Variants in ATP11C observed in about 807,000 individuals in gnomAD.
ATP11C encodes the protein ATPase phospholipid transporting 11C (ATP11C blood group), also known as phospholipid-transporting ATPase IG.
ATP11C carries 36 observed loss-of-function variants against 97.4 expected under a neutral mutation model. The ratio of observed to expected loss-of-function variants is 0.37; its 90% confidence interval spans 0.28 to 0.49. ATP11C has a LOEUF of 0.49. ATP11C is among the 20% of genes least tolerant of loss of function. The probability of loss-of-function intolerance (pLI) is 0.98; values close to 1 mark genes in which losing one functional copy is unlikely to be tolerated. For synonymous variants in ATP11C, 275 were observed against 290.9 expected, an observed-to-expected ratio of 0.95 and a Z score of 0.56; for missense variants, 730 against 824.6, an observed-to-expected ratio of 0.89 and a Z score of 1.40.
At chrX:139,825,225 G>T (rs1442918647) in intron 2 of ATP11C, among the ~76,000 whole-genome samples, 1 of 111,521 alleles carries the variant, frequency 9.0e-6, no homozygotes, top group Admixed American at 9.5e-5. Flanking sequence ...CAAACAGCAC[G>T]ATGATGTAAA....
At chrX:139,795,735 G>C (rs1344076421) in intron 12 of ATP11C, among the ~76,000 whole-genome samples, 1 of 111,852 alleles carries the variant, frequency 8.9e-6, no homozygotes, top group African/African-American at 3.3e-5. Flanking sequence ...GGTTACATTG[G>C]TATATAAAGA....
At chrX:139,809,904 T>C (rs996033117) in intron 5 of ATP11C, among the ~76,000 whole-genome samples, 6 of 110,984 alleles carry the variant, frequency 5.4e-5, no homozygotes, top group African/African-American at 2.0e-4. Flanking sequence ...AGACAGACGT[T>C]GCGGTGAGCC....
chrX:139,818,711 T>A (rs1390331211), intron 3 of ATP11C, among the ~76,000 whole-genome samples: 1 of 112,360 alleles, frequency 8.9e-6, no homozygotes, highest in Admixed American at 9.4e-5. Context: ...TTCTGCTTCA[T>A]TTAAAAAATG....
chrX:139,859,974 G>A (rs1426853625), intron 1 of ATP11C, among the ~76,000 whole-genome samples: 2 of 93,448 alleles, frequency 2.1e-5, no homozygotes, highest in Admixed American at 1.2e-4. Flanking sequence ...GCGTAGTGGC[G>A]GGCGCCTGTA....
intron 1 of ATP11C, among the ~76,000 whole-genome samples, chrX:139,839,522 T>A (rs1228402491): frequency 9.0e-6 from 1 of 110,815 alleles, no homozygotes. Flanking sequence ...GGGTGATGAG[T>A]AAAAAAGACA....
At chrX:139,785,357 A>G in intron 15 of ATP11C, 58 bp from the exon 16 acceptor site, 1 of 851,244 alleles carries the variant, frequency 1.2e-6, no homozygotes, top group South Asian at 2.2e-5. Flanking sequence ...AATAAAGCAC[A>G]ACAGAAATAT....
chrX:139,767,843 T>G (rs1373827107), intron 20 of ATP11C, among the ~76,000 whole-genome samples: 5 of 111,458 alleles, frequency 4.5e-5, no homozygotes, highest in Non-Finnish European at 7.5e-5. Flanking sequence ...ATATAACTGA[T>G]GGTGTCAAGA....
intron 23 of ATP11C, among the ~76,000 whole-genome samples, chrX:139,755,218 C>G (rs1166276223): frequency 3.6e-5 from 4 of 111,555 alleles, no homozygotes; most frequent in Non-Finnish European, 7.5e-5. Flanking sequence ...AAATCAGTAA[C>G]ATAATCCCAT....
chrX:139,846,676 A>G (rs1201833132), intron 1 of ATP11C, among the ~76,000 whole-genome samples: 1 of 111,714 alleles, frequency 9.0e-6, no homozygotes, highest in Non-Finnish European at 1.9e-5. Context: ...ACATAATCAT[A>G]GATCATAAGT....
intron 1 of ATP11C, among the ~76,000 whole-genome samples, chrX:139,847,790 C>T (rs945344453): frequency 1.0e-4 from 11 of 110,085 alleles, no homozygotes; most frequent in African/African-American, 3.6e-4. Context: ...CCCTACCTTA[C>T]AACCACCCAC....
intron 10 of ATP11C, 82 bp from the exon 11 acceptor site, chrX:139,797,408 T>C (rs1472273842): frequency 1.5e-5 from 11 of 720,791 alleles, no homozygotes; most frequent in Non-Finnish European, 2.0e-5. Context: ...CTAAAGCTTT[T>C]TCTGTGTACG....
intron 1 of ATP11C, among the ~76,000 whole-genome samples, chrX:139,906,258 A>AC (rs1214209595): frequency 1.9e-5 from 2 of 107,841 alleles, no homozygotes; most frequent in Admixed American, 2.0e-4. Context: ...ATCTCTACAA[A>AC]AAAAAAAAAA....
chrX:139,751,093 T>C (rs2081804612), intron 23 of ATP11C, among the ~76,000 whole-genome samples: 1 of 112,558 alleles, frequency 8.9e-6, no homozygotes, highest in African/African-American at 3.2e-5. Flanking sequence ...GTATTTTCAA[T>C]CAATGGCTAC....
At chrX:139,771,041 G>C (rs1490404881) in intron 19 of ATP11C, among the ~76,000 whole-genome samples, 1 of 111,566 alleles carries the variant, frequency 9.0e-6, no homozygotes, top group Non-Finnish European at 1.9e-5. Flanking sequence ...GGGCCCTTGA[G>C]AGTAACTAAC....
intron 1 of ATP11C, among the ~76,000 whole-genome samples, chrX:139,852,174 T>C (rs2084001193): frequency 9.1e-6 from 1 of 110,384 alleles, no homozygotes; most frequent in Non-Finnish European, 1.9e-5. Context: ...CCAACAACTT[T>C]TGGGTGCACT....
chrX:139,751,145 ATTAG>A (rs1372649996), intron 23 of ATP11C, among the ~76,000 whole-genome samples: 2 of 112,460 alleles, frequency 1.8e-5, no homozygotes, highest in Non-Finnish European at 3.8e-5. Context: ...TGAATGGTGC[ATTAG>A]TTAGTTCACT....
intron 10 of ATP11C, among the ~76,000 whole-genome samples, chrX:139,797,708 T>C: frequency 9.0e-6 from 1 of 111,331 alleles, no homozygotes; most frequent in Non-Finnish European, 1.9e-5. Context: ...GAGGGCACGG[T>C]AGCAATGTGA....
At chrX:139,771,988 T>C (rs1335218868) in intron 19 of ATP11C, among the ~76,000 whole-genome samples, 1 of 111,461 alleles carries the variant, frequency 9.0e-6, no homozygotes, top group African/African-American at 3.3e-5. Flanking sequence ...ATGGGGAAAA[T>C]GTCTCCAGGC....
rs150319063 is a variant in ATP11C, at chrX:139,893,479, T to C, written c.27+38537A>G. On this transcript the variant is annotated intron_variant, in intron 1 of 29. Coordinates refer to ENST00000682941, the MANE Select transcript of ATP11C (RefSeq NM_001353812.2). The stretch of plus-strand genomic sequence containing the variant: ...TGTAGTCATATCTAGAAAAAAGAAT[T>C]TGACACCAGGTTAAGATCATGTCCC... Among the ~76,000 whole-genome samples the C allele has an allele frequency of 5.5e-3, 618 of 112,239 alleles. 10 individuals are homozygous for C. The highest frequency in any genetic ancestry group is 0.018 in the African/African-American group (567 of 30,907).
Sources: gnomAD v4.1 joint callset for allele counts (sites outside exome capture counted in the v4.1 genomes callset) on GRCh38, gnomAD v4.1.1 for gene constraint, MANE v1.5 for transcripts, NCBI Gene and HGNC (gene_info 2026-07-23, HGNC 2026-07-21) for gene names.